Variants in GRID1 observed in about 807,000 individuals in gnomAD.
GRID1 encodes the protein glutamate ionotropic receptor delta type subunit 1, also known as glutamate receptor ionotropic, delta-1.
In GRID1, 28 loss-of-function variants were observed where a neutral mutation model predicts 98.0. That is an observed-to-expected ratio of 0.29 (90% CI 0.21 to 0.39). The LOEUF (loss-of-function observed/expected upper bound fraction) is 0.39. Ranked by LOEUF, GRID1 falls within the 10% of genes least tolerant of loss-of-function variation. The probability of loss-of-function intolerance (pLI) is 1.00; values close to 1 mark genes in which losing one functional copy is unlikely to be tolerated. For synonymous variants in GRID1, 553 were observed against 538.5 expected (o/e 1.03, Z -0.37); for missense variants, 1,111 against 1,340.5 (o/e 0.83, Z 2.67).
chr10:85,686,791 T>C (rs1841274309), intron 12 of GRID1, among the ~76,000 whole-genome samples: 1 of 152,120 alleles, frequency 6.6e-6, no homozygotes, highest in Non-Finnish European at 1.5e-5. Flanking sequence ...TTTTAATTTT[T>C]TTCACATTAA....
intron 4 of GRID1, among the ~76,000 whole-genome samples, chr10:86,093,702 G>A (rs1589368801): frequency 6.6e-6 from 1 of 151,686 alleles, no homozygotes; most frequent in East Asian, 1.9e-4. Flanking sequence ...GGATTGAAAT[G>A]GTAAAAATTA....
chr10:85,732,706 C>G (rs1211552129), intron 8 of GRID1, among the ~76,000 whole-genome samples: 1 of 152,164 alleles, frequency 6.6e-6, no homozygotes, highest in Non-Finnish European at 1.5e-5. Flanking sequence ...GGTACCCTTA[C>G]AACAAATAAA....
At chr10:85,796,983 A>G (rs1438758594) in intron 8 of GRID1, among the ~76,000 whole-genome samples, 1 of 152,194 alleles carries the variant, frequency 6.6e-6, no homozygotes, top group Non-Finnish European at 1.5e-5. Context: ...AACAAACCTA[A>G]CAAATGCTGC....
intron 4 of GRID1, among the ~76,000 whole-genome samples, chr10:85,984,630 C>G (rs1343380096): frequency 1.3e-5 from 2 of 152,196 alleles, no homozygotes; most frequent in African/African-American, 4.8e-5. Flanking sequence ...ATCCCAGCAC[C>G]TGGAAAGAAA....
intron 8 of GRID1, among the ~76,000 whole-genome samples, chr10:85,822,615 T>C (rs1346632317): frequency 6.6e-6 from 1 of 152,216 alleles, no homozygotes; most frequent in Non-Finnish European, 1.5e-5. Context: ...TCAACCATTG[T>C]GGAAGTCGGT....
chr10:85,751,689 A>C (rs980949229), intron 8 of GRID1, among the ~76,000 whole-genome samples: 1 of 152,160 alleles, frequency 6.6e-6, no homozygotes, highest in African/African-American at 2.4e-5. Context: ...TACACATTTA[A>C]TATTATACAT....
chr10:86,228,797 GC>G (rs1340693441), intron 2 of GRID1, among the ~76,000 whole-genome samples: 3 of 152,106 alleles, frequency 2.0e-5, no homozygotes, highest in African/African-American at 7.2e-5. Flanking sequence ...TTCCCTCCTG[GC>G]CCGGCCACTC....
At position 85,724,387 on chromosome 10, in the gene GRID1, G is replaced by T; in HGVS notation, c.1823C>A (p.Ala608Asp). The T allele has an allele frequency of 6.2e-7, 1 of 1,614,070 alleles. No individual in the cohort carries two copies. Among genetic ancestry groups the T allele is most frequent in the Non-Finnish European group, 8.5e-7 (1 of 1,179,996 alleles). Residue 608 changes from alanine to aspartate, a missense_variant, in exon 11 of 16, where the codon GCC becomes GAC. Physicochemically the swap from Ala to Asp is moderately radical, Grantham distance 126. Around this residue, in one of 3 missense-constraint regions of GRID1, gnomAD observed 762 missense variants for 869.1 expected, o/e 0.88. Coordinates refer to ENST00000327946, the MANE Select transcript of GRID1 (RefSeq NM_017551.3). Reference protein sequence around the residue: ...RPSASATLHSAIWIVYGAFVQ... With the variant: ...RPSASATLHSDIWIVYGAFVQ... ...GAAGGCTCCATAGACAATCCAGATGGCGCTGTGCAGAGTGGCAGAAGCTGA... is the reference window on the plus strand; with the variant it reads ...GAAGGCTCCATAGACAATCCAGATGTCGCTGTGCAGAGTGGCAGAAGCTGA...
chr10:85,744,424 A>G (rs901590409), intron 8 of GRID1, among the ~76,000 whole-genome samples: 1 of 151,494 alleles, frequency 6.6e-6, no homozygotes, highest in Non-Finnish European at 1.5e-5. Context: ...CTGCATATCT[A>G]CAACTATCTG....
At chr10:86,178,605 C>G (rs1045176253) in intron 3 of GRID1, among the ~76,000 whole-genome samples, 8 of 151,250 alleles carry the variant, frequency 5.3e-5, no homozygotes, top group African/African-American at 1.7e-4. Flanking sequence ...GCAGGCGGCT[C>G]GTGCATCCAC....
At chr10:85,713,796 T>G (rs1841607855) in intron 12 of GRID1, among the ~76,000 whole-genome samples, 1 of 151,868 alleles carries the variant, frequency 6.6e-6, no homozygotes, top group African/African-American at 2.4e-5. Context: ...TAGAGAAAAT[T>G]TAACATCTTT....
chr10:85,698,760 A>G (rs1240610834), intron 12 of GRID1, among the ~76,000 whole-genome samples: 2 of 152,356 alleles, frequency 1.3e-5, no homozygotes, highest in Non-Finnish European at 2.9e-5. Flanking sequence ...CAAAGTGGCC[A>G]TAACAGCAAT....
intron 8 of GRID1, among the ~76,000 whole-genome samples, chr10:85,797,430 T>C (rs1211581260): frequency 6.6e-6 from 1 of 151,928 alleles, no homozygotes; most frequent in Admixed American, 6.6e-5. Context: ...TATTTTATTT[T>C]ATTTATTTAC....
chr10:86,027,814 C>A (rs905107585), intron 4 of GRID1, among the ~76,000 whole-genome samples: 39 of 152,328 alleles, frequency 2.6e-4, no homozygotes, highest in African/African-American at 8.7e-4. Context: ...GGCATAAAAT[C>A]AACACTCACA....
At chr10:85,903,155 A>G (rs1001253299) in intron 5 of GRID1, among the ~76,000 whole-genome samples, 6 of 152,120 alleles carry the variant, frequency 3.9e-5, no homozygotes, top group Admixed American at 6.5e-5. Context: ...CCACATGTCT[A>G]GTGTCTACAT....
intron 12 of GRID1, among the ~76,000 whole-genome samples, chr10:85,648,933 C>A (rs918750793): frequency 2.0e-5 from 3 of 152,230 alleles, no homozygotes; most frequent in Non-Finnish European, 4.4e-5. Flanking sequence ...TGTCTGTCCC[C>A]CACAACCAAC....
At chr10:85,863,839 C>A (rs1014902956) in intron 6 of GRID1, among the ~76,000 whole-genome samples, 1 of 152,136 alleles carries the variant, frequency 6.6e-6, no homozygotes, top group Non-Finnish European at 1.5e-5. Context: ...GGTATTCCAG[C>A]CTAGTATTTG....
intron 2 of GRID1, among the ~76,000 whole-genome samples, chr10:86,212,796 G>A (rs944937673): frequency 6.6e-6 from 1 of 152,162 alleles, no homozygotes; most frequent in Non-Finnish European, 1.5e-5. Flanking sequence ...ATAAATAATT[G>A]ACCAAATTTA....
At position 85,696,345 on chromosome 10, in the gene GRID1, A is replaced by C. The variant is rs538977029; in HGVS notation, c.1997+26658T>G. Among the ~76,000 whole-genome samples the C allele has an allele frequency of 2.0e-5, 3 of 152,228 alleles. No homozygotes were observed. The East Asian group carries it at 5.8e-4, about 29-fold the overall frequency. On this transcript the variant is annotated intron_variant, in intron 12 of 15. Coordinates refer to ENST00000327946, the MANE Select transcript of GRID1 (RefSeq NM_017551.3). ...AGGTGATTTAAATTAAGGTGTATCT[A>C]GGAAGGCCATTCTGAGGAGGTGACC...
Sources: gnomAD v4.1 joint callset for allele counts (sites outside exome capture counted in the v4.1 genomes callset) on GRCh38, gnomAD v4.1.1 for gene constraint, gnomAD v4.1.1 regional missense constraint, MANE v1.5 for transcripts, NCBI Gene and HGNC (gene_info 2026-07-23, HGNC 2026-07-21) for gene names.